The following TCTN1 variants were observed in gnomAD, a reference collection of about 807,000 sequenced individuals.
TCTN1 encodes the protein tectonic family member 1, also known as tectonic-1.
In TCTN1, 58 loss-of-function variants were observed where a neutral mutation model predicts 65.8. That is an observed-to-expected ratio of 0.88 (90% CI 0.71 to 1.10). The LOEUF (loss-of-function observed/expected upper bound fraction) is 1.10, where lower values mean the gene tolerates loss of function less well. Among genes scored for constraint, TCTN1 ranks in the 50% least tolerant of loss-of-function variants. The pLI is 0.00. For missense variants in TCTN1, 645 were observed against 719.4 expected (o/e 0.90, Z 1.18); for synonymous variants, 273 against 289.1 (o/e 0.94, Z 0.57).
At position 110,626,462 on chromosome 12, in the gene TCTN1, C is replaced by A. The variant is rs1309696346; in HGVS notation, c.442C>A (p.Pro148Thr). ...ATTTGAACTTGTTGACCAGATTAAT[C>A]CATCTATTTTCTGCATTCATATTAC... Reference protein sequence around the residue: ...RVFELVDQINPSIFCIHITNY... With the variant: ...RVFELVDQINTSIFCIHITNY... Residue 148 changes from proline (P) to threonine (T), a missense_variant, in exon 3 of 15, where the codon CCA (proline) becomes ACA (threonine). Physicochemically the swap from Pro to Thr is conservative, Grantham distance 38. Coordinates refer to ENST00000397659, the MANE Select transcript of TCTN1 (RefSeq NM_001082538.3). 3 of 1,612,492 alleles carry A rather than the reference C, an allele frequency of 1.9e-6. No homozygotes were observed. The highest frequency in any genetic ancestry group is 2.5e-6 in the Non-Finnish European group (3 of 1,179,254).
At chr12:110,642,130 C>G in intron 10 of TCTN1, 119 bp from the exon 11 acceptor site, 1 of 1,349,898 alleles carries the variant, frequency 7.4e-7, no homozygotes, top group Non-Finnish European at 1.0e-6. Flanking sequence ...TGTCAAAATC[C>G]CAGAGGCCCA....
chr12:110,635,661 C>T (rs1422759684), intron 6 of TCTN1: 2 of 152,280 alleles, frequency 1.3e-5, no homozygotes, highest in African/African-American at 4.8e-5. Flanking sequence ...AACAAAACAA[C>T]TGCCCCGCCA....
intron 13 of TCTN1, 171 bp from the exon 14 acceptor site, chr12:110,647,578 C>A: frequency 9.2e-7 from 1 of 1,091,980 alleles, no homozygotes; most frequent in Non-Finnish European, 1.3e-6. Flanking sequence ...TAATCAGACA[C>A]CCTGGTAAAA....
intron 11 of TCTN1, among the ~76,000 whole-genome samples, 197 bp downstream of exon 11, chr12:110,642,586 C>T (rs1314075171): frequency 6.6e-6 from 1 of 152,070 alleles, no homozygotes; most frequent in African/African-American, 2.4e-5. Flanking sequence ...GCAAAAATTT[C>T]AAGGCTTTGT....
chr12:110,648,478 A>C (rs1488096248), intron 14 of TCTN1, among the ~76,000 whole-genome samples: 1 of 152,212 alleles, frequency 6.6e-6, no homozygotes, highest in Admixed American at 6.5e-5. Flanking sequence ...CAGCAGAGGC[A>C]AGGGGGATTT....
chr12:110,647,109 G>T (rs1310517177), intron 12 of TCTN1, 87 bp from the exon 13 acceptor site: 8 of 1,498,982 alleles, frequency 5.3e-6, no homozygotes, highest in Non-Finnish European at 7.4e-6. Flanking sequence ...AGAACATTTT[G>T]TAATATGTGA....
intron 2 of TCTN1, among the ~76,000 whole-genome samples, chr12:110,620,502 A>G (rs2065349393): frequency 6.6e-6 from 1 of 152,182 alleles, no homozygotes; most frequent in Non-Finnish European, 1.5e-5. Context: ...TAATGTAATG[A>G]AACCTCTGTG....
At chr12:110,627,931 C>T in intron 3 of TCTN1, 1 of 1,020,738 alleles carries the variant, frequency 9.8e-7, no homozygotes. Context: ...TGAAAACAGG[C>T]AGATGCTCTG....
intron 1 of TCTN1, among the ~76,000 whole-genome samples, chr12:110,618,449 C>G (rs2065198371): frequency 6.6e-6 from 1 of 152,118 alleles, no homozygotes; most frequent in Non-Finnish European, 1.5e-5. Context: ...CCGTGTTAGC[C>G]AGGATGGTCT....
Position 110,644,763 on chromosome 12 carries a change from C to T in TCTN1, c.1332-204C>T, listed in dbSNP as rs1045641787. 1.5e-6 allele frequency: 1 copy of T among 647,946 alleles called. No individual in the cohort carries two copies. Among genetic ancestry groups the T allele is most frequent in the Non-Finnish European group, 2.7e-6 (1 of 370,542 alleles). 40.1% of individuals were successfully genotyped at this position (647,946 alleles called of 1,614,324 possible). A position where few individuals can be genotyped will look rare whatever the true frequency, so the allele number is the denominator to read the frequency against. On this transcript the variant is annotated intron_variant, in intron 11 of 14. Coordinates refer to ENST00000397659, the MANE Select transcript of TCTN1 (RefSeq NM_001082538.3). This position sits in a 1 kb window ranked among gnomAD's most constrained non-coding sequence, Gnocchi z 4.6. Reference sequence around the variant, plus strand: ...GTGTGGTGGCTCACTCCTGTAGTCCCAGCACTCTGGGAGGATTGCATGAGC... The same window carrying T: ...GTGTGGTGGCTCACTCCTGTAGTCCTAGCACTCTGGGAGGATTGCATGAGC...
intron 12 of TCTN1, chr12:110,646,181 C>G (rs1160504258): frequency 6.6e-6 from 1 of 152,200 alleles, no homozygotes; most frequent in Non-Finnish European, 1.5e-5. Context: ...TGCCGGCAAC[C>G]CAGGTAGAGG....
intron 2 of TCTN1, among the ~76,000 whole-genome samples, chr12:110,624,951 C>G (rs2065730604): frequency 6.6e-6 from 1 of 152,150 alleles, no homozygotes; most frequent in South Asian, 2.1e-4. Flanking sequence ...GCCTCGGCCT[C>G]CCAAAGTGCT....
chr12:110,617,476 A>C (rs2065123191), intron 1 of TCTN1, among the ~76,000 whole-genome samples: 1 of 151,676 alleles, frequency 6.6e-6, no homozygotes, highest in African/African-American at 2.4e-5. Flanking sequence ...GCCGCGCGCC[A>C]CCATGCCTGG....
At position 110,614,310 on chromosome 12, in the gene TCTN1, C is replaced by A; in HGVS notation, c.128C>A (p.Ala43Asp). 1 of 1,602,808 alleles carries A rather than the reference C, an allele frequency of 6.2e-7. No homozygotes were observed. The highest frequency in any genetic ancestry group is 1.7e-5 in the Admixed American group (1 of 58,474). ...CTCAACTCCACCGAGGCAGCCCTGG[C>A]CACCTTCGGAACTTTCCCGTCGACC... is the stretch of plus-strand genomic sequence containing the variant. ...EGLNSTEAAL[A>D]TFGTFPSTRP... The change falls in exon 1 of 15, where the codon GCC becomes GAC. Residue 43 changes from alanine to aspartate, a missense_variant. By Grantham distance (126) the Ala-to-Asp change is moderately radical (BLOSUM62 -2). Coordinates refer to ENST00000397659, the MANE Select transcript of TCTN1 (RefSeq NM_001082538.3).
In TCTN1 at chr12:110,629,447, C is replaced by G. The variant is rs183676281; in HGVS notation, c.624+529C>G. On this transcript the variant is annotated intron_variant, in intron 4 of 14. Transcript: ENST00000397659. ...AGTGGGTGAAGGATATGAATAGACACTTTTCAAAAGAAGACATTTAAGTGG... is the reference window on the plus strand; with the variant it reads ...AGTGGGTGAAGGATATGAATAGACAGTTTTCAAAAGAAGACATTTAAGTGG... 1,045 of 152,828 alleles carry G rather than the reference C, an allele frequency of 6.8e-3. 1 individual carries two copies. The highest frequency in any genetic ancestry group is 9.4e-3 in the Non-Finnish European group (641 of 68,452). The allele number at this position is 152,828 out of a possible 1,614,324, so 9.5% of individuals were successfully genotyped here. A position where few individuals can be genotyped will look rare whatever the true frequency, so the allele number is the denominator to read the frequency against.
At chr12:110,647,658 G>A (rs2067436502) in intron 13 of TCTN1, 91 bp from the exon 14 acceptor site, 1 of 1,582,460 alleles carries the variant, frequency 6.3e-7, no homozygotes, top group South Asian at 1.1e-5. Context: ...ACTGACAGTA[G>A]TTGGGTGAGG....
intron 14 of TCTN1, chr12:110,648,728 C>T (rs868378017): frequency 3.2e-5 from 8 of 246,590 alleles, no homozygotes; most frequent in South Asian, 2.2e-4. Flanking sequence ...GCTTGCTCTC[C>T]GACTGGCAGG....
chr12:110,639,604 AGTT>A lies in TCTN1; in HGVS notation c.844-776_844-774del, dbSNP rs1268447669. Among the ~76,000 whole-genome samples the A allele has an allele frequency of 6.6e-6, 1 of 151,882 alleles. No homozygotes were observed. Among genetic ancestry groups the A allele is most frequent in the African/African-American group, 2.4e-5 (1 of 41,328 alleles). On this transcript the variant is annotated intron_variant, in intron 7 of 14. Transcript: ENST00000397659. The surrounding 1 kb of genome is among the most constrained non-coding windows in gnomAD (Gnocchi z 4.9). ...CATGTGTGGGTATGGAGTGTGTAGG[AGTT>A]GTGTTTTGGAGGTGAGGATATATAT...
intron 3 of TCTN1, chr12:110,627,822 AG>A: frequency 1.7e-6 from 1 of 593,146 alleles, no homozygotes. Context: ...AAATGTTATC[AG>A]GATATCAAAG....
Sources: gnomAD v4.1 joint callset for allele counts (sites outside exome capture counted in the v4.1 genomes callset) on GRCh38, gnomAD v4.1.1 for gene constraint, Gnocchi (gnomAD v3.1) non-coding constraint, MANE v1.5 for transcripts, NCBI Gene and HGNC (gene_info 2026-07-23, HGNC 2026-07-21) for gene names.